PIP5K1C: variants seen among roughly 807,000 people sequenced by gnomAD.
PIP5K1C encodes the protein phosphatidylinositol-4-phosphate 5-kinase type 1 gamma.
In PIP5K1C, 45 loss-of-function variants were observed where a neutral mutation model predicts 80.1. The observed-to-expected ratio is 0.56, with a 90% CI of 0.44 to 0.72. The LOEUF (loss-of-function observed/expected upper bound fraction) is 0.72, where lower values mean the gene tolerates loss of function less well. PIP5K1C is among the 30% of genes least tolerant of loss of function. PIP5K1C has a pLI of 0.00. For synonymous variants in PIP5K1C, 498 were observed against 420.1 expected (o/e 1.19, Z -2.27); for missense variants, 753 against 954.6 (o/e 0.79, Z 2.78).
In PIP5K1C at chr19:3,638,980, A is replaced by G. The variant is rs1173944018; in HGVS notation, c.1824T>C (p.Val608=). 4.4e-5 allele frequency: 71 copies of G among 1,611,938 alleles called. No individual in the cohort carries two copies. The highest frequency in any genetic ancestry group is 5.7e-5 in the Non-Finnish European group (67 of 1,179,922). Residue 608 remains valine (V), a synonymous_variant, in exon 16 of 18, where the codon GTT becomes GTC. Transcript: ENST00000335312. ...AGGCCTGGCTGGCAGTTTCTACTTC[A>G]ACAGCAGCAGAGGCACCGGCCGGGG... ...EASPAGASAA[V]EVETASQASD...
intron 1 of PIP5K1C, 129 bp from the exon 2 acceptor site, chr19:3,667,482 G>C: frequency 2.0e-6 from 2 of 986,318 alleles, no homozygotes; most frequent in Non-Finnish European, 3.2e-6. Flanking sequence ...CTGGTCTCAA[G>C]GCTACACACA....
At chr19:3,659,067 G>C (rs1292645754) in intron 5 of PIP5K1C, among the ~76,000 whole-genome samples, 1 of 152,128 alleles carries the variant, frequency 6.6e-6, no homozygotes, top group Non-Finnish European at 1.5e-5. Flanking sequence ...GGCCTTCCTG[G>C]AGCTACCCCC....
At chr19:3,654,484 T>C (rs2034553739) in intron 6 of PIP5K1C, among the ~76,000 whole-genome samples, 1 of 152,156 alleles carries the variant, frequency 6.6e-6, no homozygotes, top group Non-Finnish European at 1.5e-5. Context: ...CACCTATTTT[T>C]GTAGGGCTGT....
intron 12 of PIP5K1C, among the ~76,000 whole-genome samples, 157 bp downstream of exon 12, chr19:3,643,930 G>A (rs1305262150): frequency 4.6e-5 from 7 of 152,106 alleles, no homozygotes; most frequent in Admixed American, 6.5e-5. Context: ...TCCCTGGGGC[G>A]GTCCCAGCAG....
chr19:3,634,148 C>G (rs2033576451), intron 16 of PIP5K1C, among the ~76,000 whole-genome samples: 1 of 151,990 alleles, frequency 6.6e-6, no homozygotes, highest in Admixed American at 6.6e-5. Context: ...AAGTTCAGGG[C>G]TAGGCACAGG....
rs1170223510 is a variant in PIP5K1C, at chr19:3,648,383, G to A, written c.1211+242C>T. Among the ~76,000 whole-genome samples the A allele has an allele frequency of 6.6e-6, 1 of 152,232 alleles. No individual in the cohort carries two copies. Among genetic ancestry groups the A allele is most frequent in the African/African-American group, 2.4e-5 (1 of 41,464 alleles). ...TTAGGGCTCAAGAAGGGGCAGCCAA[G>A]CAAGAGCTTTCCAGGTTGAGGAAGC... On this transcript the variant is annotated intron_variant, in intron 9 of 17. Coordinates refer to ENST00000335312, the MANE Select transcript of PIP5K1C (RefSeq NM_012398.3). The surrounding 1 kb of genome is among the most constrained non-coding windows in gnomAD (Gnocchi z 4.3).
intron 1 of PIP5K1C, among the ~76,000 whole-genome samples, chr19:3,686,263 T>C (rs1363179655): frequency 1.3e-5 from 2 of 150,990 alleles, no homozygotes; most frequent in African/African-American, 4.9e-5. Flanking sequence ...CAAATACAAA[T>C]ACAAAAATTA....
At chr19:3,657,319 A>C (rs1162729346) in intron 5 of PIP5K1C, among the ~76,000 whole-genome samples, 1 of 152,190 alleles carries the variant, frequency 6.6e-6, no homozygotes, top group Admixed American at 6.5e-5. Flanking sequence ...CGATTTGCTA[A>C]GGACTAGAAT....
chr19:3,636,512 C>T, intron 16 of PIP5K1C: 3 of 985,576 alleles, frequency 3.0e-6, no homozygotes, highest in Non-Finnish European at 3.6e-6. Context: ...GAACTGCTCC[C>T]TGCCTATGGT....
intron 1 of PIP5K1C, among the ~76,000 whole-genome samples, chr19:3,687,638 C>T (rs2035804979): frequency 6.6e-6 from 1 of 152,162 alleles, no homozygotes; most frequent in African/African-American, 2.4e-5. Flanking sequence ...CAGAGGACAC[C>T]ACAGAACACC....
intron 3 of PIP5K1C, 56 bp from the exon 4 acceptor site, chr19:3,662,057 C>A (rs1293943248): frequency 1.1e-5 from 17 of 1,533,608 alleles, no homozygotes; most frequent in Middle Eastern, 2.0e-4. Flanking sequence ...TGCCCTGCAC[C>A]CCCTGTGTGC....
intron 15 of PIP5K1C, among the ~76,000 whole-genome samples, chr19:3,640,908 C>T (rs1279099640): frequency 6.6e-6 from 1 of 151,978 alleles, no homozygotes; most frequent in Non-Finnish European, 1.5e-5. Context: ...AGGATGGTCT[C>T]GATCTCCTGA....
chr19:3,641,404 A>C (rs2033955102), intron 15 of PIP5K1C, among the ~76,000 whole-genome samples: 1 of 152,036 alleles, frequency 6.6e-6, no homozygotes, highest in Non-Finnish European at 1.5e-5. Context: ...CATCCCGGGC[A>C]CTGCAGGCTG....
In PIP5K1C at chr19:3,700,126, G is replaced by A. The variant is rs1196022394; in HGVS notation, c.94+171C>T. 3.3e-5 allele frequency among the ~76,000 whole-genome samples: 5 copies of A among 151,736 alleles called. No homozygotes were observed. The South Asian group carries it at 6.2e-4, about 19-fold the overall frequency. The stretch of plus-strand genomic sequence containing the variant: ...CGCAGGCCTCCCGCTTCCCGGCGCG[G>A]CTTCAGCCCCGTCCTCCCCGCGGCT... On this transcript the variant is annotated intron_variant, in intron 1 of 17. Transcript: ENST00000335312.
intron 12 of PIP5K1C, 103 bp downstream of exon 12, chr19:3,643,984 G>A (rs548381337): frequency 7.5e-4 from 1,030 of 1,365,740 alleles, no homozygotes; most frequent in Middle Eastern, 1.8e-3. Flanking sequence ...CGGAGGGGGT[G>A]GCTGAGCGAT....
At position 3,631,263 on chromosome 19, in the gene PIP5K1C, G is replaced by A. The variant is rs1486290323; in HGVS notation, c.*1904C>T. Reference sequence around the variant, plus strand: ...CAGGGCTCTGGGCAGGGCGACTCGAGGACTCCCTGGGAGGACTGGTGTGGC... The same window carrying A: ...CAGGGCTCTGGGCAGGGCGACTCGAAGACTCCCTGGGAGGACTGGTGTGGC... On this transcript the variant is annotated 3_prime_UTR_variant, in exon 18 of 18. Transcript: ENST00000335312. 6.6e-6 allele frequency: 1 copy of A among 152,240 alleles called. No individual in the cohort carries two copies. Among genetic ancestry groups the A allele is most frequent in the Non-Finnish European group, 1.5e-5 (1 of 68,070 alleles). 9.4% of individuals were successfully genotyped at this position (152,240 alleles called of 1,614,324 possible).
At chr19:3,645,031 A>T (rs1352468133) in intron 11 of PIP5K1C, among the ~76,000 whole-genome samples, 2 of 152,212 alleles carry the variant, frequency 1.3e-5, no homozygotes, top group African/African-American at 4.8e-5. Flanking sequence ...CTCTCTGGAG[A>T]CAGATCCTGA....
intron 3 of PIP5K1C, among the ~76,000 whole-genome samples, chr19:3,662,778 C>G (rs1314091872): frequency 1.3e-5 from 2 of 152,106 alleles, no homozygotes; most frequent in Non-Finnish European, 2.9e-5. Context: ...GTTGGCCAGG[C>G]TGGTCTCGAA....
At position 3,697,005 on chromosome 19, in the gene PIP5K1C, C is replaced by T. The variant is rs139427722; in HGVS notation, c.94+3292G>A. ...AGGACTGAGCTGGACGGAGGAGGAT[C>T]GAGCTGGACCGAGGAGGACCGAGCT... is the stretch of plus-strand genomic sequence containing the variant. On this transcript the variant is annotated intron_variant, in intron 1 of 17. Coordinates refer to ENST00000335312, the MANE Select transcript of PIP5K1C (RefSeq NM_012398.3). 3.2e-3 allele frequency among the ~76,000 whole-genome samples: 487 copies of T among 150,958 alleles called. 2 individuals are homozygous for T. Among genetic ancestry groups the T allele is most frequent in the African/African-American group, 0.011 (453 of 41,030 alleles).
Sources: gnomAD v4.1 joint callset for allele counts (sites outside exome capture counted in the v4.1 genomes callset) on GRCh38, gnomAD v4.1.1 for gene constraint, Gnocchi (gnomAD v3.1) non-coding constraint, MANE v1.5 for transcripts, NCBI Gene and HGNC (gene_info 2026-07-23, HGNC 2026-07-21) for gene names.